Variants in LINGO2 observed in about 807,000 individuals in gnomAD.
LINGO2 encodes the protein leucine rich repeat and Ig domain containing 2.
LINGO2 carries 14 observed loss-of-function variants against 30.6 expected under a neutral mutation model. That is an observed-to-expected ratio of 0.46 (90% CI 0.30 to 0.72). LINGO2 has a LOEUF of 0.72. LINGO2 is among the 30% of genes least tolerant of loss of function. LINGO2 has a pLI of 0.07. For missense variants in LINGO2, 729 were observed against 751.7 expected (o/e 0.97, Z 0.35); for synonymous variants, 317 against 288.5 (o/e 1.10, Z -1.00).
At chr9:28,021,547 G>A (rs986512136) in intron 4 of LINGO2, among the ~76,000 whole-genome samples, 2 of 152,044 alleles carry the variant, frequency 1.3e-5, no homozygotes, top group Non-Finnish European at 2.9e-5. Context: ...TATCATTATT[G>A]ATTGTCTGCC....
At chr9:28,744,609 CGT>C in the LINGO2 span, among the ~76,000 whole-genome samples, 3 of 133,954 alleles carry the variant, frequency 2.2e-5, no homozygotes, top group East Asian at 2.1e-4. Flanking sequence ...ATATTCCCCT[CGT>C]GTGTGTGTGT....
At chr9:29,047,941 AAAC>A in the LINGO2 span, among the ~76,000 whole-genome samples, 4,314 of 151,678 alleles carry the variant, frequency 0.028, 79 homozygotes, top group Middle Eastern at 0.085. Context: ...CTGTCTCCCA[AAAC>A]AACAACAACA....
At chr9:28,120,101 T>G (rs1471819908) in intron 4 of LINGO2, among the ~76,000 whole-genome samples, 1 of 152,154 alleles carries the variant, frequency 6.6e-6, no homozygotes, top group Non-Finnish European at 1.5e-5. Flanking sequence ...CAAGTAAATT[T>G]CCTCTAAAAC....
chr9:28,290,192 A>G (rs947324643), intron 4 of LINGO2, among the ~76,000 whole-genome samples: 1 of 152,208 alleles, frequency 6.6e-6, no homozygotes, highest in African/African-American at 2.4e-5. Context: ...ACTGAACCCA[A>G]GTTGGGTTGA....
At chr9:28,792,515 AAGAT>A in the LINGO2 span, among the ~76,000 whole-genome samples, 1 of 152,102 alleles carries the variant, frequency 6.6e-6, no homozygotes, top group Non-Finnish European at 1.5e-5. Context: ...AAAGAGAATG[AAGAT>A]AAAGAAAAAA....
intron 5 of LINGO2, among the ~76,000 whole-genome samples, chr9:27,999,442 G>GAGAGAGAGAGAA (rs1821835776): frequency 1.1e-5 from 1 of 89,956 alleles, no homozygotes; most frequent in African/African-American, 5.9e-5. Flanking sequence ...TCTTCAGAGA[G>GAGAGAGAGAGAA]AGAGAGAGAG....
intron 4 of LINGO2, among the ~76,000 whole-genome samples, chr9:28,189,885 G>T (rs187511850): frequency 1.2e-4 from 19 of 152,132 alleles, no homozygotes; most frequent in Non-Finnish European, 2.2e-4. Context: ...TGTGTATAAG[G>T]GGTGGTGGGT....
At chr9:28,498,858 G>C (rs185403820) in intron 1 of LINGO2, among the ~76,000 whole-genome samples, 32 of 151,984 alleles carry the variant, frequency 2.1e-4, no homozygotes, top group African/African-American at 7.5e-4. Flanking sequence ...AAAGATATAA[G>C]ACCATAAAAA....
chr9:29,105,176 CTAAG>C, the LINGO2 span, among the ~76,000 whole-genome samples: 41 of 152,156 alleles, frequency 2.7e-4, no homozygotes, highest in African/African-American at 8.4e-4. Context: ...AGTAAATGGA[CTAAG>C]TAAGAGGAGA....
rs1819602210 is a variant in LINGO2 at position 28,346,946 on chromosome 9, A to T, written c.-246+25890T>A. Among the ~76,000 whole-genome samples, 5 of 151,686 alleles carry T rather than the reference A, an allele frequency of 3.3e-5. No homozygotes were observed. In the South Asian group the frequency reaches 1.0e-3, roughly 31 times the overall value. ...GTTAGTAGACTTTTGTCAGATACAT[A>T]GTTTGCAAATATTTTCTCCCATTCT... is the stretch of plus-strand genomic sequence containing the variant. On this transcript the variant is annotated intron_variant, in intron 3 of 5. Transcript: ENST00000379992.
At chr9:28,411,356 C>T (rs1191836491) in intron 2 of LINGO2, among the ~76,000 whole-genome samples, 1 of 152,016 alleles carries the variant, frequency 6.6e-6, no homozygotes, top group Non-Finnish European at 1.5e-5. Flanking sequence ...ACAAAAAACA[C>T]ATAACTTACA....
chr9:28,212,715 T>G (rs1001245115), intron 4 of LINGO2, among the ~76,000 whole-genome samples: 3 of 151,442 alleles, frequency 2.0e-5, no homozygotes, highest in Admixed American at 6.6e-5. Context: ...TTAAATAAAA[T>G]TTAAAAATCA....
the LINGO2 span, among the ~76,000 whole-genome samples, chr9:29,088,866 C>G: frequency 6.6e-6 from 1 of 152,044 alleles, no homozygotes; most frequent in Non-Finnish European, 1.5e-5. Context: ...ATGTTTCTAT[C>G]AACAATATTA....
At chr9:27,948,566 C>T (rs1347280916) in exon 6 of LINGO2, 3 of 327,038 alleles carry the variant, frequency 9.2e-6, no homozygotes, top group South Asian at 1.0e-4. Context: ...AATAATTGTC[C>T]GTGAGTGTGA....
At chr9:28,916,129 C>T in the LINGO2 span, among the ~76,000 whole-genome samples, 7 of 152,030 alleles carry the variant, frequency 4.6e-5, no homozygotes, top group African/African-American at 1.7e-4. Flanking sequence ...TTGACCAGCA[C>T]TAACATTTAA....
intron 4 of LINGO2, among the ~76,000 whole-genome samples, chr9:28,244,894 C>T (rs180747126): frequency 4.6e-4 from 70 of 151,686 alleles, no homozygotes; most frequent in African/African-American, 1.7e-3. Context: ...GAACTGGTAC[C>T]ATTCCTTCAG....
chr9:28,565,647 G>T (rs1823338844), intron 1 of LINGO2, among the ~76,000 whole-genome samples: 1 of 151,412 alleles, frequency 6.6e-6, no homozygotes, highest in African/African-American at 2.4e-5. Flanking sequence ...TGCCTTCCGG[G>T]TTCATGCCAT....
At chr9:28,259,328 T>C (rs1385473913) in intron 4 of LINGO2, among the ~76,000 whole-genome samples, 1 of 152,076 alleles carries the variant, frequency 6.6e-6, no homozygotes, top group African/African-American at 2.4e-5. Flanking sequence ...AATTGTGTTT[T>C]AATTGAAAAC....
At chr9:29,003,701 A>C in the LINGO2 span, among the ~76,000 whole-genome samples, 1 of 151,986 alleles carries the variant, frequency 6.6e-6, no homozygotes, top group Admixed American at 6.6e-5. Flanking sequence ...GTCAGAGAGA[A>C]GAGGTTACAA....
Sources: allele counts gnomAD v4.1 joint callset (sites outside exome capture counted in the v4.1 genomes callset), GRCh38; gene constraint gnomAD v4.1.1; transcripts MANE v1.5; gene names NCBI Gene and HGNC (gene_info 2026-07-23, HGNC 2026-07-21).